The following EBF2 variants were observed in gnomAD, a reference collection of about 807,000 sequenced individuals.
EBF2 encodes EBF transcription factor 2, also known as transcription factor COE2.
EBF2 carries 21 observed loss-of-function variants against 72.8 expected under a neutral mutation model. That is an observed-to-expected ratio of 0.29 (90% CI 0.20 to 0.42). The LOEUF (loss-of-function observed/expected upper bound fraction) is 0.42, where lower values mean the gene tolerates loss of function less well. Among genes scored for constraint, EBF2 ranks in the 10% least tolerant of loss-of-function variants. EBF2 has a pLI of 1.00. For synonymous variants in EBF2, 299 were observed against 274.2 expected (o/e 1.09, Z -0.89); for missense variants, 637 against 731.2 (o/e 0.87, Z 1.49).
chr8:25,897,202 C>T (rs934853222), intron 7 of EBF2, among the ~76,000 whole-genome samples: 18 of 150,292 alleles, frequency 1.2e-4, no homozygotes, highest in East Asian at 3.9e-4. Flanking sequence ...CCTGAGAAGA[C>T]GTGCTCTTTT....
At chr8:26,006,491 T>C (rs1804884203) in intron 6 of EBF2, among the ~76,000 whole-genome samples, 2 of 152,204 alleles carry the variant, frequency 1.3e-5, no homozygotes, top group African/African-American at 4.8e-5. Context: ...TAATAAGCAA[T>C]GGAATGAACA....
intron 6 of EBF2, among the ~76,000 whole-genome samples, chr8:25,913,634 C>T (rs1376550335): frequency 6.6e-6 from 1 of 152,066 alleles, no homozygotes; most frequent in African/African-American, 2.4e-5. Context: ...TGATAATGGC[C>T]ACATTTTATA....
At chr8:25,845,856 T>C (rs1801822169) in intron 15 of EBF2, among the ~76,000 whole-genome samples, 2 of 152,216 alleles carry the variant, frequency 1.3e-5, no homozygotes, top group Non-Finnish European at 2.9e-5. Context: ...AAGGAATTAT[T>C]CAATATAATA....
chr8:25,867,196 T>A (rs1272112929), intron 10 of EBF2, among the ~76,000 whole-genome samples: 1 of 152,238 alleles, frequency 6.6e-6, no homozygotes, highest in Non-Finnish European at 1.5e-5. Flanking sequence ...ACTAGGATTG[T>A]GTGCATGGCT....
rs116920754 is a variant in EBF2 at position 25,958,254 on chromosome 8, G to A, written c.552-49699C>T. 9.2e-5 allele frequency among the ~76,000 whole-genome samples: 14 copies of A among 152,300 alleles called. No individual in the cohort carries two copies. In the East Asian group the frequency reaches 2.3e-3, roughly 25 times the overall value. ...CCCAGTCTGCTCAGAGCAGGAAAAG[G>A]TAAAAGTAAATAAACGTGGTCTTAA... On this transcript the variant is annotated intron_variant, in intron 6 of 15. Coordinates refer to ENST00000520164, the MANE Select transcript of EBF2 (RefSeq NM_022659.4).
chr8:25,916,317 A>G (rs1443494624), intron 6 of EBF2, among the ~76,000 whole-genome samples: 1 of 151,910 alleles, frequency 6.6e-6, no homozygotes, highest in Non-Finnish European at 1.5e-5. Flanking sequence ...AAACCCAAAA[A>G]AAACAAAAAA....
At chr8:25,952,955 C>A (rs1803888769) in intron 6 of EBF2, among the ~76,000 whole-genome samples, 1 of 152,132 alleles carries the variant, frequency 6.6e-6, no homozygotes, top group African/African-American at 2.4e-5. Flanking sequence ...CTTTCCCATC[C>A]TCTTCTTTCC....
intron 6 of EBF2, among the ~76,000 whole-genome samples, chr8:25,910,929 G>T (rs898044067): frequency 2.0e-5 from 3 of 152,076 alleles, no homozygotes; most frequent in Admixed American, 2.0e-4. Context: ...CAGAAATTAT[G>T]GCCTGGATTT....
At chr8:26,015,477 G>A (rs542502883) in intron 6 of EBF2, among the ~76,000 whole-genome samples, 1 of 152,270 alleles carries the variant, frequency 6.6e-6, no homozygotes, top group South Asian at 2.1e-4. Flanking sequence ...TGCATTTGTG[G>A]GTTGACCAAG....
At chr8:25,935,521 GCGCGTGGGTCA>G (rs2117150764) in intron 6 of EBF2, among the ~76,000 whole-genome samples, 1 of 152,306 alleles carries the variant, frequency 6.6e-6, no homozygotes, top group South Asian at 2.1e-4. Context: ...CAAAGCCCTT[GCGCGTGGGTCA>G]GGTTCTGCCA....
intron 6 of EBF2, among the ~76,000 whole-genome samples, chr8:25,993,092 G>A (rs1162944620): frequency 2.0e-5 from 3 of 151,954 alleles, no homozygotes; most frequent in Admixed American, 1.3e-4. Flanking sequence ...TCAATACACT[G>A]GGAAAGTGGA....
chr8:26,040,710 G>A (rs1328265288), intron 3 of EBF2, 39 bp from the exon 4 acceptor site: 1 of 1,549,218 alleles, frequency 6.5e-7, no homozygotes, highest in Non-Finnish European at 8.7e-7. Flanking sequence ...GGGCCGTAGA[G>A]CCCCTTCCGG....
At chr8:25,906,281 C>T (rs1226330125) in intron 7 of EBF2, among the ~76,000 whole-genome samples, 1 of 152,174 alleles carries the variant, frequency 6.6e-6, no homozygotes, top group African/African-American at 2.4e-5. Flanking sequence ...TTTTCTCTGC[C>T]TCTGTATCTT....
At chr8:26,040,177 A>C in intron 4 of EBF2, 76 bp from the exon 5 acceptor site, 1 of 1,468,390 alleles carries the variant, frequency 6.8e-7, no homozygotes, top group African/African-American at 1.4e-5. Flanking sequence ...CTTCAGAACA[A>C]GCACAACATC....
intron 10 of EBF2, among the ~76,000 whole-genome samples, chr8:25,884,483 T>C (rs1183714605): frequency 6.6e-6 from 1 of 152,146 alleles, no homozygotes; most frequent in African/African-American, 2.4e-5. Flanking sequence ...GAGGCCTCCC[T>C]AACCAGCCTG....
At chr8:25,986,325 T>C (rs921971784) in intron 6 of EBF2, among the ~76,000 whole-genome samples, 18 of 152,126 alleles carry the variant, frequency 1.2e-4, no homozygotes, top group African/African-American at 4.1e-4. Context: ...ATTAATGCAG[T>C]CTACTCTAAC....
At chr8:25,977,139 T>G (rs1804280934) in intron 6 of EBF2, among the ~76,000 whole-genome samples, 1 of 152,196 alleles carries the variant, frequency 6.6e-6, no homozygotes, top group South Asian at 2.1e-4. Flanking sequence ...GAGCCTGCCC[T>G]CATTCCCTGG....
intron 5 of EBF2, among the ~76,000 whole-genome samples, chr8:26,036,554 T>A (rs1229266855): frequency 6.6e-6 from 1 of 152,188 alleles, no homozygotes; most frequent in African/African-American, 2.4e-5. Flanking sequence ...TATTATTTTT[T>A]TTTTTAGAAA....
chr8:26,017,133 T>C (rs1383597715), intron 6 of EBF2, among the ~76,000 whole-genome samples: 1 of 150,966 alleles, frequency 6.6e-6, no homozygotes, highest in African/African-American at 2.4e-5. Flanking sequence ...CGTGTGTGTT[T>C]TGCCATGCAG....
Sources: allele counts gnomAD v4.1 joint callset (sites outside exome capture counted in the v4.1 genomes callset), GRCh38; gene constraint gnomAD v4.1.1; transcripts MANE v1.5; gene names NCBI Gene and HGNC (gene_info 2026-07-23, HGNC 2026-07-21).